Variants in MYO16 observed in about 807,000 individuals in gnomAD.
MYO16 encodes myosin XVI, also known as unconventional myosin-XVI.
Under a neutral mutation model 205.3 loss-of-function variants are expected in MYO16, and 94 were observed. The ratio of observed to expected loss-of-function variants is 0.46; its 90% CI spans 0.39 to 0.54. MYO16 has a LOEUF of 0.54. Among genes scored for constraint, MYO16 ranks in the 20% least tolerant of loss-of-function variants. The pLI is 0.00. For synonymous variants in MYO16, 988 were observed against 954.0 expected (o/e 1.04, Z -0.66); for missense variants, 2,315 against 2,387.5 (o/e 0.97, Z 0.63).
chr13:109,095,896 T>C (rs960432672), intron 27 of MYO16, among the ~76,000 whole-genome samples: 11 of 152,242 alleles, frequency 7.2e-5, no homozygotes, highest in African/African-American at 2.7e-4. Flanking sequence ...TCATAGTGGT[T>C]ACTGTTGAGT....
intron 9 of MYO16, among the ~76,000 whole-genome samples, chr13:108,838,148 G>C (rs924581284): frequency 2.0e-5 from 3 of 152,164 alleles, no homozygotes; most frequent in African/African-American, 7.2e-5. Flanking sequence ...AGCACCTGCT[G>C]TGTGTCCAGA....
At chr13:109,039,235 A>C (rs1197050637) in intron 23 of MYO16, among the ~76,000 whole-genome samples, 1 of 152,222 alleles carries the variant, frequency 6.6e-6, no homozygotes, top group Admixed American at 6.5e-5. Flanking sequence ...GGAGCCAGCT[A>C]GACAGAAAGT....
At chr13:109,154,178 T>G (rs1877855304) in intron 32 of MYO16, among the ~76,000 whole-genome samples, 2 of 152,186 alleles carry the variant, frequency 1.3e-5, no homozygotes, top group African/African-American at 2.4e-5. Flanking sequence ...AGCCAGTGAG[T>G]GTGGGCAGGT....
intron 31 of MYO16, among the ~76,000 whole-genome samples, chr13:109,130,649 C>T (rs1045234948): frequency 7.9e-5 from 12 of 152,218 alleles, no homozygotes; most frequent in Non-Finnish European, 1.6e-4. Context: ...GCAAAGGTAG[C>T]TCCACCCACA....
At chr13:108,519,635 A>ACACACACACT in the MYO16 span, among the ~76,000 whole-genome samples, 1 of 149,264 alleles carries the variant, frequency 6.7e-6, no homozygotes, top group Admixed American at 6.7e-5. Context: ...ATACACACAC[A>ACACACACACT]CACACACACA....
intron 1 of MYO16, among the ~76,000 whole-genome samples, chr13:108,608,191 C>T (rs529377019): frequency 1.4e-3 from 213 of 152,260 alleles, no homozygotes; most frequent in African/African-American, 5.0e-3. Context: ...GCACATAGGC[C>T]TAGGGCGGCA....
At chr13:109,015,303 G>A (rs1354258886) in intron 22 of MYO16, among the ~76,000 whole-genome samples, 1 of 152,164 alleles carries the variant, frequency 6.6e-6, no homozygotes, top group African/African-American at 2.4e-5. Context: ...TGCATCCCAG[G>A]GATGAAGCCC....
chr13:108,611,270 G>A (rs1030417693), intron 1 of MYO16, among the ~76,000 whole-genome samples: 1 of 151,872 alleles, frequency 6.6e-6, no homozygotes, highest in Non-Finnish European at 1.5e-5. Flanking sequence ...GTTTTCAGTT[G>A]TGTTACATCA....
chr13:109,117,200 G>A (rs1047450284), intron 28 of MYO16, among the ~76,000 whole-genome samples: 4 of 151,890 alleles, frequency 2.6e-5, no homozygotes, highest in Non-Finnish European at 5.9e-5. Context: ...TTTCACCCTA[G>A]AAGCTATCAT....
intron 27 of MYO16, among the ~76,000 whole-genome samples, chr13:109,061,502 G>A (rs72656207): frequency 0.067 from 10,177 of 152,200 alleles, 386 homozygotes; most frequent in Non-Finnish European, 0.084. Context: ...TAATAATTCT[G>A]TGTTTCAGTG....
At chr13:108,889,627 T>C (rs1206783442) in intron 14 of MYO16, among the ~76,000 whole-genome samples, 1 of 152,180 alleles carries the variant, frequency 6.6e-6, no homozygotes, top group African/African-American at 2.4e-5. Context: ...TACCTAGAGA[T>C]GGAACCCTCT....
intron 16 of MYO16, among the ~76,000 whole-genome samples, chr13:108,949,283 G>A (rs1015334699): frequency 1.3e-5 from 2 of 152,200 alleles, no homozygotes; most frequent in Non-Finnish European, 2.9e-5. Context: ...AGGGGAGTGC[G>A]AAGAACCAAG....
In MYO16 at chr13:108,828,061, T is replaced by G. The variant is rs902492190; in HGVS notation, c.1097+4783T>G. On this transcript the variant is annotated intron_variant, in intron 9 of 34. Coordinates refer to ENST00000457511, the MANE Select transcript of MYO16 (RefSeq NM_001198950.3). ...GATATTTTTTACTACAGTTACCAGG[T>G]GTTGAATCTTGAGCAAACTAGTTTG... 4.6e-5 allele frequency among the ~76,000 whole-genome samples: 7 copies of G among 152,244 alleles called. No individual in the cohort carries two copies. The South Asian group carries it at 8.3e-4, about 18-fold the overall frequency.
At chr13:108,751,350 G>C (rs1170255875) in intron 4 of MYO16, among the ~76,000 whole-genome samples, 1 of 151,994 alleles carries the variant, frequency 6.6e-6, no homozygotes, top group African/African-American at 2.4e-5. Context: ...AGAGCCAATT[G>C]AAAGACCAAT....
chr13:108,829,568 G>T (rs412669), intron 9 of MYO16, among the ~76,000 whole-genome samples: 93,660 of 151,964 alleles, frequency 0.62, 29,734 homozygotes, highest in Middle Eastern at 0.72. Flanking sequence ...GGGCTGAGTC[G>T]CCAGAGTTTC....
intron 4 of MYO16, among the ~76,000 whole-genome samples, chr13:108,781,614 A>G (rs929993886): frequency 6.6e-5 from 10 of 152,192 alleles, no homozygotes; most frequent in African/African-American, 2.2e-4. Context: ...CTCCAAAGAC[A>G]GAGAGCTCTG....
intron 9 of MYO16, among the ~76,000 whole-genome samples, chr13:108,841,663 T>A (rs1345237378): frequency 1.3e-5 from 2 of 151,730 alleles, no homozygotes; most frequent in East Asian, 3.9e-4. Flanking sequence ...ATAAAGTCAA[T>A]AATCTGAAAA....
At chr13:108,817,089 A>C (rs971881017) in intron 7 of MYO16, among the ~76,000 whole-genome samples, 4 of 151,932 alleles carry the variant, frequency 2.6e-5, no homozygotes, top group African/African-American at 9.7e-5. Context: ...ATTGCCAGTG[A>C]GGATAAAAAA....
At chr13:108,955,532 CTT>C (rs1233706538) in intron 16 of MYO16, among the ~76,000 whole-genome samples, 1 of 152,170 alleles carries the variant, frequency 6.6e-6, no homozygotes, top group Non-Finnish European at 1.5e-5. Context: ...TCTGTGGTCT[CTT>C]TTCCATCACT....
Sources: allele counts gnomAD v4.1 joint callset (sites outside exome capture counted in the v4.1 genomes callset), GRCh38; gene constraint gnomAD v4.1.1; transcripts MANE v1.5; gene names NCBI Gene and HGNC (gene_info 2026-07-23, HGNC 2026-07-21).